SLC28A3: variants seen among roughly 807,000 people sequenced by gnomAD.
SLC28A3 encodes concentrative Na(+)-nucleoside cotransporter 3.
In SLC28A3, 68 loss-of-function variants were observed where a neutral mutation model predicts 84.2. The ratio of observed to expected loss-of-function variants is 0.81; its 90% CI spans 0.66 to 0.99. The LOEUF is 0.99. Among genes scored for constraint, SLC28A3 ranks in the 50% least tolerant of loss-of-function variants. The pLI is 0.00. For synonymous variants in SLC28A3, 267 were observed against 303.6 expected (o/e 0.88, Z 1.25); for missense variants, 712 against 841.5 (o/e 0.85, Z 1.90).
intron 1 of SLC28A3, among the ~76,000 whole-genome samples, chr9:84,316,000 A>G (rs1411865576): frequency 1.3e-5 from 2 of 152,174 alleles, no homozygotes; most frequent in African/African-American, 2.4e-5. Context: ...CAGCTTACAC[A>G]TTTAATTTCT....
intron 3 of SLC28A3, 39 bp downstream of exon 3, chr9:84,309,590 G>T: frequency 6.9e-7 from 1 of 1,448,738 alleles, no homozygotes; most frequent in Non-Finnish European, 9.6e-7. Context: ...AACCAAACGG[G>T]AGGTAGGCTT....
chr9:84,331,899 A>G (rs1433699774), intron 1 of SLC28A3, among the ~76,000 whole-genome samples: 1 of 152,198 alleles, frequency 6.6e-6, no homozygotes, highest in East Asian at 1.9e-4. Context: ...CCCTGTTCCA[A>G]AAAGCCTCTC....
rs1824588282 is a variant in SLC28A3 at position 84,278,082 on chromosome 9, T to C, written c.*136A>G. 48 of 1,200,502 alleles carry C rather than the reference T, an allele frequency of 4.0e-5. No individual in the cohort carries two copies. The highest frequency in any genetic ancestry group is 5.4e-5 in the Non-Finnish European group (48 of 884,322). 74.4% of individuals were successfully genotyped at this position (1,200,502 alleles called of 1,614,324 possible). A position where few individuals can be genotyped will look rare whatever the true frequency, so the allele number is the denominator to read the frequency against. On this transcript the variant is annotated 3_prime_UTR_variant, in exon 18 of 18. Transcript: ENST00000376238. Reference sequence around the variant, plus strand: ...TAGCTTTGAAGGTCCACTCTTGTTTTTCTTCATTCCTTGCAATTAAAGCTG... The same window carrying C: ...TAGCTTTGAAGGTCCACTCTTGTTTCTCTTCATTCCTTGCAATTAAAGCTG...
intron 1 of SLC28A3, among the ~76,000 whole-genome samples, chr9:84,319,199 A>G (rs1271253451): frequency 6.6e-6 from 1 of 152,212 alleles, no homozygotes; most frequent in East Asian, 1.9e-4. Flanking sequence ...ATAGTTTATT[A>G]CTCACTGAAA....
intron 9 of SLC28A3, among the ~76,000 whole-genome samples, chr9:84,293,716 A>T: frequency 6.6e-6 from 1 of 152,214 alleles, no homozygotes; most frequent in East Asian, 1.9e-4. Flanking sequence ...GCTCATGCTT[A>T]TGAAACTCCC....
At chr9:84,364,028 G>C in the SLC28A3 span, among the ~76,000 whole-genome samples, 2 of 151,854 alleles carry the variant, frequency 1.3e-5, no homozygotes, top group Non-Finnish European at 2.9e-5. Flanking sequence ...TTTTGATACA[G>C]GCATGCAATA....
In SLC28A3 at chr9:84,307,692, TAAG is replaced by T. The variant is rs59302002; in HGVS notation, c.242+1934_242+1936del. On this transcript the variant is annotated intron_variant, in intron 3 of 17. Transcript: ENST00000376238. ...GTATTATTCTCAGTTGAAGATATAT[TAAG>T]AAGCAGCAGCAGCAGAGGGTGACAT... is the stretch of plus-strand genomic sequence containing the variant. 8.6e-3 allele frequency among the ~76,000 whole-genome samples: 1,308 copies of T among 152,316 alleles called. 18 individuals carry two copies. The highest frequency in any genetic ancestry group is 0.03 in the African/African-American group (1,238 of 41,550).
At chr9:84,347,073 G>A in the SLC28A3 span, among the ~76,000 whole-genome samples, 1 of 151,922 alleles carries the variant, frequency 6.6e-6, no homozygotes. Flanking sequence ...TTACTCAGGA[G>A]GCTGAGGCAG....
At chr9:84,317,241 G>T (rs1350740646) in intron 1 of SLC28A3, among the ~76,000 whole-genome samples, 1 of 152,130 alleles carries the variant, frequency 6.6e-6, no homozygotes, top group African/African-American at 2.4e-5. Context: ...ACAGTAGTGT[G>T]CCTAGGAATT....
At chr9:84,330,771 TATTTC>T (rs1262601006) in intron 1 of SLC28A3, among the ~76,000 whole-genome samples, 1 of 152,214 alleles carries the variant, frequency 6.6e-6, no homozygotes, top group Non-Finnish European at 1.5e-5. Flanking sequence ...AAATATAAAT[TATTTC>T]ATTAATTTCA....
At chr9:84,306,315 T>C (rs72751184) in intron 3 of SLC28A3, among the ~76,000 whole-genome samples, 2,509 of 152,300 alleles carry the variant, frequency 0.016, 25 homozygotes, top group Middle Eastern at 0.037. Flanking sequence ...CTGGGAGACC[T>C]GCACTCCCCT....
In SLC28A3 at chr9:84,297,905, C is replaced by T. The variant is rs368980506; in HGVS notation, c.783+1G>A. The T allele has an allele frequency of 6.3e-7, 1 of 1,597,084 alleles. No individual in the cohort carries two copies. Among genetic ancestry groups the T allele is most frequent in the Non-Finnish European group, 8.5e-7 (1 of 1,176,202 alleles). On this transcript the variant is annotated splice_donor_variant, in intron 7 of 17. Coordinates refer to ENST00000376238, the MANE Select transcript of SLC28A3 (RefSeq NM_001199633.2). LOFTEE classifies it high-confidence loss of function. The stretch of plus-strand genomic sequence containing the variant: ...AAAGTGTTCTTTTGAACCAAACTTA[C>T]CTGAACTTGTCTGCCCAACCAATCA...
At position 84,286,638 on chromosome 9, in the gene SLC28A3, ATTT is replaced by A. The variant is rs533806173; in HGVS notation, c.1281-530_1281-528del. ...ATAAAAAATTACAAGTTTAAAAATT[ATTT>A]TTATTACAAGTAGCTGCCAGAGAAT... On this transcript the variant is annotated intron_variant, in intron 12 of 17. Transcript: ENST00000376238. Among the ~76,000 whole-genome samples the A allele has an allele frequency of 1.8e-3, 270 of 152,168 alleles. 3 individuals carry two copies. Among genetic ancestry groups the A allele is most frequent in the African/African-American group, 6.3e-3 (261 of 41,498 alleles).
At chr9:84,293,005 G>A (rs1825298167) in intron 9 of SLC28A3, among the ~76,000 whole-genome samples, 1 of 152,188 alleles carries the variant, frequency 6.6e-6, no homozygotes, top group Non-Finnish European at 1.5e-5. Context: ...TAGGTCTATT[G>A]TATACAAGTA....
At position 84,307,437 on chromosome 9, in the gene SLC28A3, A is replaced by C. The variant is rs61268199; in HGVS notation, c.243-2092T>G. ...CAGAGCGAGACTCCATCTCAAAAAA[A>C]AAAAAAAACAAAAACAAAAACAAAA... On this transcript the variant is annotated intron_variant, in intron 3 of 17. Transcript: ENST00000376238. 6.3e-5 allele frequency among the ~76,000 whole-genome samples: 7 copies of C among 111,048 alleles called. No homozygotes were observed. The South Asian group carries it at 1.1e-3, about 18-fold the overall frequency. The allele number at this position is 111,048 out of a possible 152,430, so 72.9% of individuals were successfully genotyped here.
rs1228257722 is a variant in SLC28A3, at chr9:84,276,188, A to G, written c.*2030T>C. Reference sequence around the variant, plus strand: ...CAAATTTAGATTTTATGAAATCTAAACATGGATTAAGTATTATCAGTAAAA... The same window carrying G: ...CAAATTTAGATTTTATGAAATCTAAGCATGGATTAAGTATTATCAGTAAAA... On this transcript the variant is annotated 3_prime_UTR_variant, in exon 18 of 18. Transcript: ENST00000376238. The G allele has an allele frequency of 1.3e-5, 2 of 152,196 alleles. No homozygotes were observed. Among genetic ancestry groups the G allele is most frequent in the East Asian group, 3.8e-4 (2 of 5,206 alleles). 9.4% of individuals were successfully genotyped at this position (152,196 alleles called of 1,614,324 possible).
intron 2 of SLC28A3, among the ~76,000 whole-genome samples, chr9:84,312,981 A>G (rs558144486): frequency 6.6e-6 from 1 of 152,354 alleles, no homozygotes; most frequent in African/African-American, 2.4e-5. Flanking sequence ...GTATAAAGCT[A>G]CTAAGGAATG....
At chr9:84,294,065 A>C (rs1170763286) in intron 9 of SLC28A3, 130 bp downstream of exon 9, 11 of 722,484 alleles carry the variant, frequency 1.5e-5, no homozygotes, top group Non-Finnish European at 2.3e-5. Context: ...CTAATCACTT[A>C]GGTGGTGATG....
chr9:84,351,084 G>A, the SLC28A3 span, among the ~76,000 whole-genome samples: 2 of 152,090 alleles, frequency 1.3e-5, no homozygotes, highest in Non-Finnish European at 2.9e-5. Flanking sequence ...AAATGCAAAT[G>A]CAAATACATT....
Sources: allele counts gnomAD v4.1 joint callset (sites outside exome capture counted in the v4.1 genomes callset), GRCh38; gene constraint gnomAD v4.1.1; transcripts MANE v1.5; gene names NCBI Gene and HGNC (gene_info 2026-07-23, HGNC 2026-07-21).